EML6: variants seen among roughly 807,000 people sequenced by gnomAD.
The protein encoded by EML6 is echinoderm microtubule-associated protein-like 6.
EML6 carries 154 observed loss-of-function variants against 240.1 expected under a neutral mutation model. The ratio of observed to expected loss-of-function variants is 0.64; its 90% CI spans 0.56 to 0.73. The LOEUF is 0.73. Ranked by LOEUF, EML6 falls within the 30% of genes least tolerant of loss-of-function variation. The probability of loss-of-function intolerance (pLI) is 0.00; values close to 1 mark genes in which losing one functional copy is unlikely to be tolerated. For synonymous variants in EML6, 1,148 were observed against 899.0 expected (o/e 1.28, Z -4.95); for missense variants, 2,964 against 2,474.6 (o/e 1.20, Z -4.20).
chr2:54,889,307 CA>C (rs1672328408), intron 17 of EML6, among the ~76,000 whole-genome samples: 18 of 151,800 alleles, frequency 1.2e-4, no homozygotes, highest in Admixed American at 1.2e-3. Flanking sequence ...GCTTTAAAAT[CA>C]AATTGTCTAA....
intron 2 of EML6, among the ~76,000 whole-genome samples, chr2:54,736,345 G>T (rs185646947): frequency 6.6e-6 from 1 of 152,304 alleles, no homozygotes; most frequent in Admixed American, 6.5e-5. Context: ...AGAAGAGGGA[G>T]CGTGGCATTG....
Position 54,957,908 on chromosome 2 carries a change from G to C in EML6, c.4605G>C (p.Leu1535=), listed in dbSNP as rs1676308615. Residue 1535 remains leucine, a synonymous_variant, in exon 33 of 42, where the codon CTG becomes CTC. Transcript: ENST00000356458. ...TCAAACATATGAAGTTCTGGACCCT[G>C]GCAGGCAGCGCCTTGCTTTACAAGA... ...VGVKHMKFWT[L]AGSALLYKKG... 1 of 1,551,664 alleles carries C rather than the reference G, an allele frequency of 6.4e-7. No homozygotes were observed. The highest frequency in any genetic ancestry group is 8.7e-7 in the Non-Finnish European group (1 of 1,147,016).
chr2:54,862,052 T>G (rs1221205889), intron 12 of EML6, among the ~76,000 whole-genome samples: 2 of 151,968 alleles, frequency 1.3e-5, no homozygotes, highest in African/African-American at 4.8e-5. Context: ...TCTCTGAGGA[T>G]TGGCTGAGCA....
intron 2 of EML6, among the ~76,000 whole-genome samples, chr2:54,741,235 G>C (rs1376414746): frequency 6.6e-6 from 1 of 151,984 alleles, no homozygotes; most frequent in Admixed American, 6.6e-5. Flanking sequence ...TTGTGTGGAT[G>C]GTTACAATAG....
intron 26 of EML6, among the ~76,000 whole-genome samples, chr2:54,923,367 G>GCGCACACACACA (rs1200496290): frequency 2.6e-4 from 37 of 144,462 alleles, no homozygotes; most frequent in Non-Finnish European, 2.9e-4. Context: ...CTCACCAAAC[G>GCGCACACACACA]CACACACACA....
chr2:54,846,613 A>G lies in EML6; in HGVS notation c.1050-873A>G, dbSNP rs186158736. Among the ~76,000 whole-genome samples the G allele has an allele frequency of 3.8e-3, 584 of 151,784 alleles. 5 individuals carry two copies. The highest frequency in any genetic ancestry group is 0.014 in the African/African-American group (566 of 41,370). On this transcript the variant is annotated intron_variant, in intron 8 of 41. Coordinates refer to ENST00000356458, the MANE Select transcript of EML6 (RefSeq NM_001039753.4). ...ATCCTCCTACCTCAGCCTCCCAAGT[A>G]GCTGGGATTACAGGCATGCCCCACC...
Position 54,950,731 on chromosome 2 carries a change from A to G in EML6, c.4165A>G (p.Ile1389Val). Residue 1389 changes from isoleucine to valine, a missense_variant, in exon 30 of 42, where the codon ATC becomes GTC. Transcript: ENST00000356458. ...GCATTACCTTAATGATGGCGCTGACATCATCTTCCACACAGCAGCGGCTGG... is the reference window on the plus strand; with the variant it reads ...GCATTACCTTAATGATGGCGCTGACGTCATCTTCCACACAGCAGCGGCTGG... ...NLHYLNDGAD[I>V]IFHTAAAGIV... 3 of 1,551,690 alleles carry G rather than the reference A, an allele frequency of 1.9e-6. No homozygotes were observed. Among genetic ancestry groups the G allele is most frequent in the Non-Finnish European group, 8.7e-7 (1 of 1,147,000 alleles).
rs1050020803 is a variant in EML6, at chr2:54,762,319, A to T, written c.197+37061A>T. On this transcript the variant is annotated intron_variant, in intron 2 of 41. Transcript: ENST00000356458. ...GAAGTGATAGTGTGTCCTCCTCAGA[A>T]CATCACGGATGGGAATGCATGATGT... Among the ~76,000 whole-genome samples the T allele has an allele frequency of 1.9e-4, 29 of 152,150 alleles. 1 individual carries two copies. Among genetic ancestry groups the T allele is most frequent in the Non-Finnish European group, 7.4e-5 (5 of 68,014 alleles).
At position 54,962,613 on chromosome 2, in the gene EML6, G is replaced by A. The variant is rs1322169416; in HGVS notation, c.5059G>A (p.Glu1687Lys). The A allele has an allele frequency of 2.6e-6, 4 of 1,548,712 alleles. No homozygotes were observed. Among genetic ancestry groups the A allele is most frequent in the Non-Finnish European group, 3.5e-6 (4 of 1,145,662 alleles). The change falls in exon 36 of 42, where the codon GAA (glutamate) becomes AAA (lysine). Residue 1687 changes from glutamate to lysine, a missense_variant. Transcript: ENST00000356458. ...TAACATCCTGATTGATGGTCACATGGAAGGGGAGATCTGGGGCCTGGCCAC... is the reference window on the plus strand; with the variant it reads ...TAACATCCTGATTGATGGTCACATGAAAGGGGAGATCTGGGGCCTGGCCAC... ...ASNILIDGHM[E>K]GEIWGLATHP...
At chr2:54,923,528 C>T (rs1367893205) in intron 26 of EML6, among the ~76,000 whole-genome samples, 1 of 152,108 alleles carries the variant, frequency 6.6e-6, no homozygotes, top group South Asian at 2.1e-4. Context: ...AATTATACCT[C>T]AGTAAAGCTG....
intron 11 of EML6, among the ~76,000 whole-genome samples, chr2:54,855,458 G>GCCCCCCCCCCCCCCCCCC (rs11297060): frequency 8.1e-6 from 1 of 124,110 alleles, no homozygotes; most frequent in African/African-American, 3.0e-5. Context: ...CTTCTACCAT[G>GCCCCCCCCCCCCCCCCCC]CCCCCCCCCC....
At chr2:54,837,809 C>T (rs1669233448) in intron 7 of EML6, among the ~76,000 whole-genome samples, 1 of 152,178 alleles carries the variant, frequency 6.6e-6, no homozygotes, top group Non-Finnish European at 1.5e-5. Flanking sequence ...GGAGGAATAT[C>T]TGGGAGGGGC....
At chr2:54,831,352 C>T (rs1668859442) in intron 7 of EML6, among the ~76,000 whole-genome samples, 1 of 152,182 alleles carries the variant, frequency 6.6e-6, no homozygotes, top group Non-Finnish European at 1.5e-5. Context: ...TTGGTTTACG[C>T]TGCTATACTT....
At chr2:54,887,004 A>C (rs114832319) in intron 17 of EML6, among the ~76,000 whole-genome samples, 1 of 152,218 alleles carries the variant, frequency 6.6e-6, no homozygotes, top group Admixed American at 6.5e-5. Context: ...ACTAAAAGCC[A>C]TACTGCTTTT....
intron 16 of EML6, among the ~76,000 whole-genome samples, chr2:54,875,649 A>G (rs1479208358): frequency 6.6e-6 from 1 of 152,254 alleles, no homozygotes; most frequent in African/African-American, 2.4e-5. Context: ...TTTAGTCAAA[A>G]ACATTTCTTG....
chr2:54,892,391 T>TTC (rs1182519222), intron 18 of EML6, 63 bp from the exon 19 acceptor site: 80 of 1,112,616 alleles, frequency 7.2e-5, no homozygotes, highest in African/African-American at 6.7e-4. Context: ...GAAGTAGTCC[T>TTC]TCTACATGCT....
intron 8 of EML6, among the ~76,000 whole-genome samples, chr2:54,846,191 C>T (rs1454897442): frequency 7.9e-5 from 12 of 152,180 alleles, no homozygotes; most frequent in South Asian, 4.2e-4. Context: ...ATCACTTGGG[C>T]GCCCAGGGAA....
chr2:54,943,879 C>T (rs1422632800), intron 28 of EML6, among the ~76,000 whole-genome samples: 4 of 152,166 alleles, frequency 2.6e-5, no homozygotes, highest in Admixed American at 1.3e-4. Context: ...ATAGTTATAG[C>T]ACAATTCAAA....
At chr2:54,776,320 G>A (rs1296468037) in intron 2 of EML6, among the ~76,000 whole-genome samples, 1 of 152,168 alleles carries the variant, frequency 6.6e-6, no homozygotes, top group Non-Finnish European at 1.5e-5. Context: ...AGGTTTTACA[G>A]AACTTGCCTG....
Sources: gnomAD v4.1 joint callset for allele counts (sites outside exome capture counted in the v4.1 genomes callset) on GRCh38, gnomAD v4.1.1 for gene constraint, MANE v1.5 for transcripts, NCBI Gene and HGNC (gene_info 2026-07-23, HGNC 2026-07-21) for gene names.